The following FER variants were observed in gnomAD, a reference collection of about 807,000 sequenced individuals.
FER encodes the protein FER tyrosine kinase.
In FER, 63 loss-of-function variants were observed where a neutral mutation model predicts 111.0. The ratio of observed to expected loss-of-function variants is 0.57; its 90% confidence interval spans 0.46 to 0.70. The LOEUF (loss-of-function observed/expected upper bound fraction) is 0.70. Ranked by LOEUF, FER falls within the 30% of genes least tolerant of loss-of-function variation. FER has a pLI of 0.00. For synonymous variants in FER, 327 were observed against 313.9 expected, an observed-to-expected ratio of 1.04 and a Z score of -0.44; for missense variants, 914 against 954.0, an observed-to-expected ratio of 0.96 and a Z score of 0.55.
At chr5:108,766,310 C>G (rs568617531) in intron 1 of FER, among the ~76,000 whole-genome samples, 28 of 152,316 alleles carry the variant, frequency 1.8e-4, no homozygotes, top group African/African-American at 6.5e-4. Context: ...TGATGCCTTA[C>G]TTTACACCAA....
At chr5:108,904,555 T>C (rs1326526697) in intron 10 of FER, among the ~76,000 whole-genome samples, 1 of 152,192 alleles carries the variant, frequency 6.6e-6, no homozygotes, top group East Asian at 1.9e-4. Context: ...CAGACCCACG[T>C]AGGACTTCAG....
At chr5:108,757,689 C>T (rs1442566573) in intron 1 of FER, among the ~76,000 whole-genome samples, 1 of 152,194 alleles carries the variant, frequency 6.6e-6, no homozygotes, top group Admixed American at 6.5e-5. Context: ...CCTTCTGTCG[C>T]ACCCTCAACA....
chr5:109,067,091 G>A (rs1255771001), intron 16 of FER, among the ~76,000 whole-genome samples: 1 of 152,180 alleles, frequency 6.6e-6, no homozygotes, highest in African/African-American at 2.4e-5. Context: ...GGAACAGAAG[G>A]GTAGAGTGAC....
At chr5:109,110,967 T>C (rs745441899) in intron 17 of FER, among the ~76,000 whole-genome samples, 8 of 152,192 alleles carry the variant, frequency 5.3e-5, no homozygotes, top group Non-Finnish European at 8.8e-5. Flanking sequence ...GGCATTGTTT[T>C]ATCACACTAT....
chr5:109,187,944 C>A lies in FER; in HGVS notation c.*369C>A, dbSNP rs1759060813. The stretch of plus-strand genomic sequence containing the variant: ...CTGCCATCCTATGCCACAGACCCTA[C>A]TCCGTTGGTGCTATAAACAGCATTG... On this transcript the variant is annotated 3_prime_UTR_variant, in exon 20 of 20. Coordinates refer to ENST00000281092, the MANE Select transcript of FER (RefSeq NM_005246.4). 4.4e-6 allele frequency: 1 copy of A among 228,724 alleles called. No homozygotes were observed. Among genetic ancestry groups the A allele is most frequent in the East Asian group, 1.4e-4 (1 of 7,010 alleles). 14.2% of individuals were successfully genotyped at this position (228,724 alleles called of 1,614,324 possible).
At chr5:109,142,840 A>C (rs915808505) in intron 17 of FER, among the ~76,000 whole-genome samples, 2 of 152,194 alleles carry the variant, frequency 1.3e-5, no homozygotes, top group African/African-American at 4.8e-5. Context: ...GTTGTGTTTT[A>C]TATTAAAATG....
intron 13 of FER, among the ~76,000 whole-genome samples, chr5:108,974,623 A>C (rs549472570): frequency 6.6e-6 from 1 of 152,330 alleles, no homozygotes; most frequent in South Asian, 2.1e-4. Context: ...AGATGTGACT[A>C]TGTTAAGGAT....
chr5:108,807,516 C>A (rs1028928729), intron 3 of FER, among the ~76,000 whole-genome samples: 1 of 152,138 alleles, frequency 6.6e-6, no homozygotes, highest in African/African-American at 2.4e-5. Flanking sequence ...CCGTCTTTTT[C>A]TTTGTTGGTC....
At chr5:108,877,952 C>T (rs1281129884) in intron 8 of FER, among the ~76,000 whole-genome samples, 2 of 152,012 alleles carry the variant, frequency 1.3e-5, no homozygotes, top group Non-Finnish European at 2.9e-5. Flanking sequence ...GTTGCCCAGG[C>T]TGGAGTGCAG....
At chr5:108,876,529 G>A (rs1037006409) in intron 8 of FER, among the ~76,000 whole-genome samples, 2 of 152,142 alleles carry the variant, frequency 1.3e-5, no homozygotes, top group Non-Finnish European at 2.9e-5. Context: ...TGCCTATAGT[G>A]TCAAAAGAAG....
At chr5:109,108,766 G>A (rs1749254281) in intron 17 of FER, among the ~76,000 whole-genome samples, 1 of 152,150 alleles carries the variant, frequency 6.6e-6, no homozygotes, top group South Asian at 2.1e-4. Context: ...GAATTCATCA[G>A]AACATAGATG....
intron 13 of FER, among the ~76,000 whole-genome samples, chr5:108,999,707 AT>A (rs35747458): frequency 0.071 from 10,415 of 147,726 alleles, 420 homozygotes; most frequent in South Asian, 0.12. Context: ...CATTCTTACT[AT>A]TTTTTTTTTT....
chr5:109,045,753 G>A (rs778547554), intron 15 of FER, among the ~76,000 whole-genome samples: 1 of 152,214 alleles, frequency 6.6e-6, no homozygotes, highest in Non-Finnish European at 1.5e-5. Flanking sequence ...GGGGAAATGG[G>A]AGGCCTGGAA....
At chr5:108,989,547 C>T (rs935933604) in intron 13 of FER, among the ~76,000 whole-genome samples, 1 of 151,822 alleles carries the variant, frequency 6.6e-6, no homozygotes, top group African/African-American at 2.4e-5. Flanking sequence ...TAGCATATTC[C>T]TTTCTTTCTG....
At position 109,195,182 on chromosome 5, in the gene FER, G is replaced by A. The variant is rs747587625; in HGVS notation, c.*7607G>A. ...AGACAGTTGGAAGCAAATGCCGAGGGAAAGGTGCCCAGAGCCATGCTTGAT... is the reference window on the plus strand; with the variant it reads ...AGACAGTTGGAAGCAAATGCCGAGGAAAAGGTGCCCAGAGCCATGCTTGAT... On this transcript the variant is annotated 3_prime_UTR_variant, in exon 20 of 20. Transcript: ENST00000281092. The A allele has an allele frequency of 6.6e-6, 1 of 152,198 alleles. No homozygotes were observed. The highest frequency in any genetic ancestry group is 1.5e-5 in the Non-Finnish European group (1 of 68,042). 9.4% of individuals were successfully genotyped at this position (152,198 alleles called of 1,614,324 possible).
At chr5:108,807,465 A>G (rs1453651331) in intron 3 of FER, among the ~76,000 whole-genome samples, 1 of 151,994 alleles carries the variant, frequency 6.6e-6, no homozygotes, top group Non-Finnish European at 1.5e-5. Context: ...ATCAGTTTTG[A>G]TGTCACCTTT....
At chr5:108,762,933 C>A (rs1261207206) in intron 1 of FER, among the ~76,000 whole-genome samples, 1 of 152,174 alleles carries the variant, frequency 6.6e-6, no homozygotes, top group Non-Finnish European at 1.5e-5. Flanking sequence ...AATTTGAAAT[C>A]TCCTACCTAC....
intron 3 of FER, among the ~76,000 whole-genome samples, chr5:108,808,384 G>C (rs958979215): frequency 6.6e-6 from 1 of 150,880 alleles, no homozygotes; most frequent in Admixed American, 6.6e-5. Context: ...TTTTTTGTTG[G>C]TCCAACATTT....
chr5:108,986,328 G>A (rs1214385944), intron 13 of FER, among the ~76,000 whole-genome samples: 10 of 147,770 alleles, frequency 6.8e-5, no homozygotes, highest in Admixed American at 6.1e-4. Context: ...TGACTTCATT[G>A]TAGATTCTGG....
Sources: gnomAD v4.1 joint callset for allele counts (sites outside exome capture counted in the v4.1 genomes callset) on GRCh38, gnomAD v4.1.1 for gene constraint, MANE v1.5 for transcripts, NCBI Gene and HGNC (gene_info 2026-07-23, HGNC 2026-07-21) for gene names.